Variants in SRSF4 observed in about 807,000 individuals in gnomAD.
SRSF4 encodes the protein serine/arginine-rich splicing factor 4.
A neutral mutation model predicts 48.8 loss-of-function variants in SRSF4; 12 were observed. The observed-to-expected ratio is 0.25, with a 90% CI of 0.16 to 0.40. SRSF4 has a LOEUF of 0.40. Among genes scored for constraint, SRSF4 ranks in the 10% least tolerant of loss-of-function variants. The pLI is 1.00. For synonymous variants in SRSF4, 248 were observed against 232.5 expected, an observed-to-expected ratio of 1.07 and a Z score of -0.61; for missense variants, 466 against 667.1, an observed-to-expected ratio of 0.70 and a Z score of 3.32.
At chr1:29,172,157 T>C (rs940428705) in intron 1 of SRSF4, 2 of 152,096 alleles carry the variant, frequency 1.3e-5, no homozygotes, top group African/African-American at 4.8e-5. Flanking sequence ...TAAAAAAAAA[T>C]TTGATCACAT....
intron 2 of SRSF4, 60 bp from the exon 3 acceptor site, chr1:29,159,546 C>A: frequency 8.7e-7 from 1 of 1,144,290 alleles, no homozygotes; most frequent in East Asian, 2.4e-5. Flanking sequence ...AAAAATGACA[C>A]AGCACACACC....
chr1:29,169,515 A>C (rs1442574201), intron 1 of SRSF4: 1 of 152,256 alleles, frequency 6.6e-6, no homozygotes, highest in Non-Finnish European at 1.5e-5. Flanking sequence ...AGTTGTGAAC[A>C]TTTATTCTCT....
intron 1 of SRSF4, chr1:29,171,903 T>TA (rs1456018535): frequency 6.6e-6 from 1 of 152,186 alleles, no homozygotes; most frequent in Non-Finnish European, 1.5e-5. Context: ...TTAAATGACT[T>TA]AGTCAAATAA....
chr1:29,170,147 A>T (rs1226191469), intron 1 of SRSF4: 2 of 152,166 alleles, frequency 1.3e-5, no homozygotes, highest in Non-Finnish European at 2.9e-5. Flanking sequence ...GACACTTTTC[A>T]ACACTAAGGA....
intron 1 of SRSF4, chr1:29,165,992 G>A (rs1672665154): frequency 6.6e-6 from 1 of 152,236 alleles, no homozygotes; most frequent in Non-Finnish European, 1.5e-5. Context: ...AATGTGGTGA[G>A]CCATTCCCAC....
intron 1 of SRSF4, among the ~76,000 whole-genome samples, chr1:29,179,536 T>A (rs558358205): frequency 3.3e-5 from 5 of 152,084 alleles, no homozygotes; most frequent in East Asian, 1.9e-4. Context: ...ATTAAAAAAA[T>A]TTTTTTCTTA....
intron 3 of SRSF4, 102 bp from the exon 4 acceptor site, chr1:29,155,012 G>T: frequency 3.8e-6 from 4 of 1,051,194 alleles, no homozygotes; most frequent in Non-Finnish European, 5.5e-6. Context: ...CCAGCATTCC[G>T]CAGAATAAAG....
intron 3 of SRSF4, among the ~76,000 whole-genome samples, chr1:29,158,947 A>C (rs1672548794): frequency 2.0e-5 from 3 of 152,160 alleles, no homozygotes; most frequent in Admixed American, 6.5e-5. Flanking sequence ...TCTACTAAAA[A>C]TACAAAAAAA....
intron 1 of SRSF4, 54 bp from the exon 2 acceptor site, chr1:29,160,571 C>T (rs1672578958): frequency 6.5e-7 from 1 of 1,543,198 alleles, no homozygotes; most frequent in East Asian, 2.4e-5. Context: ...TCCAGCTTCA[C>T]TAACATTAAA....
intron 4 of SRSF4, among the ~76,000 whole-genome samples, chr1:29,154,289 C>G (rs1336338479): frequency 6.6e-6 from 1 of 152,192 alleles, no homozygotes. Context: ...GGTCTCGACT[C>G]CTGACATCAG....
chr1:29,152,158 C>T (rs987507412), intron 4 of SRSF4, among the ~76,000 whole-genome samples: 4 of 152,156 alleles, frequency 2.6e-5, no homozygotes, highest in Admixed American at 2.6e-4. Flanking sequence ...CTAGATATTA[C>T]ATCATAGTAT....
intron 1 of SRSF4, among the ~76,000 whole-genome samples, chr1:29,180,042 T>C (rs910457255): frequency 1.8e-4 from 28 of 152,256 alleles, no homozygotes; most frequent in Admixed American, 2.6e-4. Flanking sequence ...CCTCTGATTA[T>C]AGCTGCCACT....
intron 1 of SRSF4, among the ~76,000 whole-genome samples, chr1:29,165,094 T>C (rs1672652171): frequency 6.6e-6 from 1 of 152,192 alleles, no homozygotes. Context: ...GTGTTGTCTT[T>C]ACCAAAACTA....
At chr1:29,153,848 G>A (rs1258141457) in intron 4 of SRSF4, among the ~76,000 whole-genome samples, 3 of 151,890 alleles carry the variant, frequency 2.0e-5, no homozygotes, top group South Asian at 2.1e-4. Flanking sequence ...TGATCTGCCC[G>A]CCTTGGCCTC....
intron 1 of SRSF4, chr1:29,171,580 A>G (rs1046216289): frequency 2.0e-5 from 3 of 151,900 alleles, no homozygotes; most frequent in Non-Finnish European, 4.4e-5. Flanking sequence ...AATAAGTCAT[A>G]CAAATGCATT....
In SRSF4 at chr1:29,180,600, T is replaced by C. The variant is rs569525773; in HGVS notation, c.107+1046A>G. On this transcript the variant is annotated intron_variant, in intron 1 of 5. Coordinates refer to ENST00000373795, the MANE Select transcript of SRSF4 (RefSeq NM_005626.5). The stretch of plus-strand genomic sequence containing the variant: ...TAGCTATATTACAACTGTTGCAAAG[T>C]AGAGTTTCTTTTTTAAGCCAAGAGT... Among the ~76,000 whole-genome samples, 10 of 152,240 alleles carry C rather than the reference T, an allele frequency of 6.6e-5. No homozygotes were observed. The East Asian group carries it at 1.5e-3, about 23-fold the overall frequency.
intron 3 of SRSF4, among the ~76,000 whole-genome samples, chr1:29,155,624 T>C (rs1483347952): frequency 6.6e-6 from 1 of 152,022 alleles, no homozygotes; most frequent in African/African-American, 2.4e-5. Flanking sequence ...CCCCAACAGC[T>C]GGAACTGCAG....
intron 3 of SRSF4, among the ~76,000 whole-genome samples, chr1:29,157,887 G>C (rs1672524968): frequency 6.6e-6 from 1 of 152,106 alleles, no homozygotes; most frequent in African/African-American, 2.4e-5. Flanking sequence ...TCAATAAGTG[G>C]GGCCGGGTGC....
At chr1:29,154,966 T>C (rs1289572071) in intron 3 of SRSF4, 56 bp from the exon 4 acceptor site, 1 of 1,473,922 alleles carries the variant, frequency 6.8e-7, no homozygotes, top group Non-Finnish European at 9.3e-7. Context: ...AAATATCTAA[T>C]GCAATCATCT....
Sources: gnomAD v4.1 joint callset for allele counts (sites outside exome capture counted in the v4.1 genomes callset) on GRCh38, gnomAD v4.1.1 for gene constraint, MANE v1.5 for transcripts, NCBI Gene and HGNC (gene_info 2026-07-23, HGNC 2026-07-21) for gene names.